RABGEF1: variants seen among roughly 807,000 people sequenced by gnomAD.
RABGEF1 encodes rab5 GDP/GTP exchange factor.
A neutral mutation model predicts 57.3 loss-of-function variants in RABGEF1; 26 were observed. The ratio of observed to expected loss-of-function variants is 0.45; its 90% CI spans 0.33 to 0.63. The LOEUF is 0.63. RABGEF1 is among the 20% of genes least tolerant of loss of function. RABGEF1 has a pLI of 0.02. For synonymous variants in RABGEF1, 185 were observed against 210.7 expected, an observed-to-expected ratio of 0.88 and a Z score of 1.06; for missense variants, 464 against 607.6, an observed-to-expected ratio of 0.76 and a Z score of 2.48.
intron 1 of RABGEF1, among the ~76,000 whole-genome samples, chr7:66,700,522 G>A (rs951699431): frequency 6.6e-6 from 1 of 152,192 alleles, no homozygotes; most frequent in African/African-American, 2.4e-5. Flanking sequence ...AGGGGAGTTG[G>A]GGGAGGGGAC....
At chr7:66,803,073 A>C (rs1187255635) in intron 7 of RABGEF1, among the ~76,000 whole-genome samples, 2 of 152,252 alleles carry the variant, frequency 1.3e-5, no homozygotes, top group East Asian at 3.8e-4. Flanking sequence ...TAAGTAGAAA[A>C]AGAAAAATAA....
At chr7:66,740,616 G>A (rs953288630), upstream of RABGEF1, 1 of 152,660 alleles carries the variant, frequency 6.6e-6, no homozygotes, top group African/African-American at 2.4e-5. Flanking sequence ...CTCCCGTCCA[G>A]AGTCAAAGGC....
chr7:66,714,829 A>G (rs1025986865), intron 2 of RABGEF1, among the ~76,000 whole-genome samples: 3 of 152,134 alleles, frequency 2.0e-5, no homozygotes, highest in African/African-American at 7.2e-5. Context: ...CAGCTACTCG[A>G]GAGGCTGAGG....
rs1789430623 is a variant in RABGEF1, at chr7:66,811,385, A to T, written c.*2101A>T. 2 of 152,348 alleles carry T rather than the reference A, an allele frequency of 1.3e-5. No homozygotes were observed. The highest frequency in any genetic ancestry group is 1.3e-4 in the Admixed American group (2 of 15,262). The allele number at this position is 152,348 out of a possible 1,614,324, so 9.4% of individuals were successfully genotyped here. On this transcript the variant is annotated 3_prime_UTR_variant, in exon 9 of 9. Coordinates refer to ENST00000284957, the MANE Select transcript of RABGEF1 (RefSeq NM_014504.3). ...ATAAGAAGATGTTGGTATTTTATGT[A>T]GGGTAAATGTGACTGGAATACACCT...
chr7:66,688,161 C>T (rs1790985730), intron 1 of RABGEF1, among the ~76,000 whole-genome samples: 1 of 150,802 alleles, frequency 6.6e-6, no homozygotes, highest in Non-Finnish European at 1.5e-5. Flanking sequence ...GGTTTTAAGC[C>T]AACAATGGTT....
At chr7:66,765,638 C>T (rs574657507) in intron 1 of RABGEF1, among the ~76,000 whole-genome samples, 2 of 152,268 alleles carry the variant, frequency 1.3e-5, no homozygotes, top group African/African-American at 2.4e-5. Flanking sequence ...ATGTCTATTT[C>T]ATTCTGTAGA....
At chr7:66,746,012 T>G (rs1800137214) in intron 1 of RABGEF1, among the ~76,000 whole-genome samples, 1 of 152,190 alleles carries the variant, frequency 6.6e-6, no homozygotes, top group African/African-American at 2.4e-5. Context: ...TCTTATTAAA[T>G]GTACACTTCT....
At chr7:66,727,535 A>T (rs540713183) in intron 2 of RABGEF1, among the ~76,000 whole-genome samples, 31 of 152,322 alleles carry the variant, frequency 2.0e-4, no homozygotes, top group African/African-American at 6.3e-4. Context: ...CAAGCCAGTG[A>T]CCTGGGTGGA....
chr7:66,763,232 C>T (rs1179243895), intron 1 of RABGEF1, among the ~76,000 whole-genome samples: 1 of 152,096 alleles, frequency 6.6e-6, no homozygotes, highest in Non-Finnish European at 1.5e-5. Flanking sequence ...GGGTATTCTG[C>T]TGAGGACCTC....
the RABGEF1 span, among the ~76,000 whole-genome samples, chr7:66,673,552 G>A: frequency 1.3e-5 from 2 of 150,760 alleles, no homozygotes; most frequent in Non-Finnish European, 3.0e-5. Flanking sequence ...GTCATTGAGA[G>A]GATTACATGG....
At position 66,795,533 on chromosome 7, in the gene RABGEF1, C is replaced by CA; in HGVS notation, c.537dup (p.Glu180ArgfsTer33). On this transcript the variant is annotated frameshift_variant, in exon 5 of 9. Transcript: ENST00000284957. LOFTEE classifies it high-confidence loss of function. ...CAGGATCTAAGCATTGAAGAACAGTCAGAGTGTGCTCAGGATTTCTACCAC... is the reference window on the plus strand; with the variant it reads ...CAGGATCTAAGCATTGAAGAACAGTCAAGAGTGTGCTCAGGATTTCTACCAC... 6.2e-7 allele frequency: 1 copy of CA among 1,611,876 alleles called. No individual in the cohort carries two copies.
At chr7:66,720,188 A>AC (rs1554309010) in intron 2 of RABGEF1, among the ~76,000 whole-genome samples, 1 of 120,476 alleles carries the variant, frequency 8.3e-6, no homozygotes, top group Non-Finnish European at 1.8e-5. Flanking sequence ...TATTATTATT[A>AC]TTATTATTTT....
At chr7:66,718,029 A>G (rs1489263165) in intron 2 of RABGEF1, among the ~76,000 whole-genome samples, 3 of 152,048 alleles carry the variant, frequency 2.0e-5, no homozygotes, top group Admixed American at 2.0e-4. Context: ...CTATCATTCC[A>G]TTCATTTAAA....
intron 1 of RABGEF1, among the ~76,000 whole-genome samples, chr7:66,742,347 G>A (rs1489272583): frequency 2.0e-5 from 3 of 152,138 alleles, no homozygotes; most frequent in Non-Finnish European, 4.4e-5. Flanking sequence ...TCATGTTTCT[G>A]CTCTCTAGAA....
chr7:66,808,747 A>T (rs1789033429), intron 8 of RABGEF1, 139 bp from the exon 9 acceptor site: 1 of 952,536 alleles, frequency 1.0e-6, no homozygotes, highest in Non-Finnish European at 1.5e-6. Context: ...TTTGAGGCTG[A>T]AATACACAGA....
intron 7 of RABGEF1, among the ~76,000 whole-genome samples, chr7:66,803,159 T>C (rs1278354988): frequency 2.6e-5 from 4 of 152,196 alleles, no homozygotes; most frequent in Non-Finnish European, 5.9e-5. Context: ...GCAAAAATTA[T>C]GTAATTCACA....
intron 1 of RABGEF1, among the ~76,000 whole-genome samples, chr7:66,704,810 C>CAA (rs368286166): frequency 8.4e-5 from 7 of 83,622 alleles, no homozygotes; most frequent in East Asian, 3.5e-4. Flanking sequence ...GACTCCGTCT[C>CAA]AAAAAAAAAA....
chr7:66,705,031 C>G (rs1793804578), intron 1 of RABGEF1, among the ~76,000 whole-genome samples: 1 of 152,054 alleles, frequency 6.6e-6, no homozygotes, highest in South Asian at 2.1e-4. Flanking sequence ...CTAAGTATTT[C>G]ATTTTTGGGA....
the RABGEF1 span, among the ~76,000 whole-genome samples, chr7:66,660,534 T>C: frequency 4.0e-5 from 6 of 148,656 alleles, no homozygotes; most frequent in South Asian, 2.1e-4. Flanking sequence ...AAAATATGGG[T>C]AAACCAGCTG....
Sources: allele counts gnomAD v4.1 joint callset (sites outside exome capture counted in the v4.1 genomes callset), GRCh38; gene constraint gnomAD v4.1.1; transcripts MANE v1.5; gene names NCBI Gene and HGNC (gene_info 2026-07-23, HGNC 2026-07-21).